The following DHX32 variants were observed in gnomAD, a reference collection of about 807,000 sequenced individuals.
DHX32 encodes putative pre-mRNA-splicing factor ATP-dependent RNA helicase DHX32.
Under a neutral mutation model 70.0 loss-of-function variants are expected in DHX32, and 51 were observed. That is an observed-to-expected ratio of 0.73 (90% CI 0.58 to 0.92). The LOEUF (loss-of-function observed/expected upper bound fraction) is 0.92. DHX32 is among the 40% of genes least tolerant of loss of function. The probability of loss-of-function intolerance (pLI) is 0.00; values close to 1 mark genes in which losing one functional copy is unlikely to be tolerated. For missense variants in DHX32, 762 were observed against 891.8 expected, an observed-to-expected ratio of 0.85 and a Z score of 1.85; for synonymous variants, 310 against 315.3, an observed-to-expected ratio of 0.98 and a Z score of 0.18.
In DHX32 at chr10:125,874,563, T is replaced by C. The variant is rs137904598; in HGVS notation, c.282+5980A>G. Reference sequence around the variant, plus strand: ...AAAATTTTTTAAACTGCAGTGTGGATTAGCAATTCTGAAACTACAATATGA... The same window carrying C: ...AAAATTTTTTAAACTGCAGTGTGGACTAGCAATTCTGAAACTACAATATGA... On this transcript the variant is annotated intron_variant, in intron 1 of 10. Coordinates refer to ENST00000284690, the MANE Select transcript of DHX32 (RefSeq NM_018180.3). 1.6e-4 allele frequency among the ~76,000 whole-genome samples: 24 copies of C among 152,354 alleles called. 1 individual carries two copies. Among genetic ancestry groups the C allele is most frequent in the African/African-American group, 5.5e-4 (23 of 41,584 alleles).
intron 6 of DHX32, among the ~76,000 whole-genome samples, chr10:125,844,245 G>C (rs1854953983): frequency 6.6e-6 from 1 of 152,240 alleles, no homozygotes; most frequent in Non-Finnish European, 1.5e-5. Context: ...CTTAAACAGA[G>C]CAGGAAGGGG....
At position 125,839,026 on chromosome 10, in the gene DHX32, GCTTT is replaced by G. The variant is rs1387470193; in HGVS notation, c.1852_1855del (p.Lys618LeufsTer21). 1.9e-6 allele frequency: 3 copies of G among 1,613,992 alleles called. No homozygotes were observed. Among genetic ancestry groups the G allele is most frequent in the Non-Finnish European group, 2.5e-6 (3 of 1,179,978 alleles). ...CTGCATAAAGTAACCGGACAGAAGA[GCTTT>G]CTTTATGTTTAGAGTGTTTTCCTTG... On this transcript the variant is annotated frameshift_variant, in exon 9 of 11. Coordinates refer to ENST00000284690, the MANE Select transcript of DHX32 (RefSeq NM_018180.3). LOFTEE classifies it high-confidence loss of function.
chr10:125,838,412 A>G lies in DHX32; in HGVS notation c.1882-25T>C, dbSNP rs772115910. On this transcript the variant is annotated intron_variant, in intron 9 of 10. Coordinates refer to ENST00000284690, the MANE Select transcript of DHX32 (RefSeq NM_018180.3). ...TCTGAAAGGCAGAATTTTAAAGAAA[A>G]AAGATTTTGTATTAATATGGAGATC... 7 of 1,543,040 alleles carry G rather than the reference A, an allele frequency of 4.5e-6. No individual in the cohort carries two copies. The South Asian group carries it at 8.8e-5, about 19-fold the overall frequency.
chr10:125,861,895 CT>C (rs1173717321), intron 2 of DHX32, among the ~76,000 whole-genome samples: 2 of 150,756 alleles, frequency 1.3e-5, no homozygotes, highest in African/African-American at 4.9e-5. Flanking sequence ...TCTTGGGGAT[CT>C]TGACACAGTC....
At chr10:125,858,628 G>T (rs1314299408) in intron 3 of DHX32, among the ~76,000 whole-genome samples, 1 of 152,194 alleles carries the variant, frequency 6.6e-6, no homozygotes, top group African/African-American at 2.4e-5. Flanking sequence ...GGCTCTGACA[G>T]ACAGCTGAGC....
In DHX32 at chr10:125,839,985, C is replaced by T. The variant is rs142867005; in HGVS notation, c.1694-797G>A. Reference sequence around the variant, plus strand: ...GGCTCCACTGACAACTTTTTCTTCTCAGCTTTGAAACACTAACTCCCTGTT... The same window carrying T: ...GGCTCCACTGACAACTTTTTCTTCTTAGCTTTGAAACACTAACTCCCTGTT... On this transcript the variant is annotated intron_variant, in intron 8 of 10. Coordinates refer to ENST00000284690, the MANE Select transcript of DHX32 (RefSeq NM_018180.3). Among the ~76,000 whole-genome samples the T allele has an allele frequency of 6.7e-3, 1,018 of 152,362 alleles. 18 individuals carry two copies. Among genetic ancestry groups the T allele is most frequent in the African/African-American group, 0.023 (956 of 41,596 alleles).
At position 125,840,203 on chromosome 10, in the gene DHX32, G is replaced by T. The variant is rs553583735; in HGVS notation, c.1693+644C>A. Among the ~76,000 whole-genome samples, 5 of 152,298 alleles carry T rather than the reference G, an allele frequency of 3.3e-5. No homozygotes were observed. The South Asian group carries it at 1.0e-3, about 32-fold the overall frequency. Reference sequence around the variant, plus strand: ...TTTGCCCTGTTTGCCCCCTCCTCTTGTTTCTGTCTGCATAGCAGCTTCCAG... The same window carrying T: ...TTTGCCCTGTTTGCCCCCTCCTCTTTTTTCTGTCTGCATAGCAGCTTCCAG... On this transcript the variant is annotated intron_variant, in intron 8 of 10. Transcript: ENST00000284690.
At chr10:125,841,961 A>ACAGCCTGGGCAAC (rs1162168175) in intron 6 of DHX32, 27 bp from the exon 7 acceptor site, 1 of 1,560,298 alleles carries the variant, frequency 6.4e-7, no homozygotes, top group Non-Finnish European at 8.6e-7. Context: ...ATAATAATTT[A>ACAGCCTGGGCAAC]AGAGTCTCAT....
At chr10:125,876,086 C>G (rs1367017400) in intron 1 of DHX32, among the ~76,000 whole-genome samples, 4 of 152,200 alleles carry the variant, frequency 2.6e-5, no homozygotes, top group African/African-American at 9.7e-5. Flanking sequence ...GGCCCTATAA[C>G]TGGATAGACC....
intron 1 of DHX32, among the ~76,000 whole-genome samples, chr10:125,887,997 A>G (rs1262497872): frequency 6.6e-6 from 1 of 152,152 alleles, no homozygotes; most frequent in Admixed American, 6.5e-5. Flanking sequence ...AACATTTTGC[A>G]TTATTTTCCT....
At chr10:125,863,225 G>A (rs1357600302) in intron 2 of DHX32, among the ~76,000 whole-genome samples, 1 of 151,930 alleles carries the variant, frequency 6.6e-6, no homozygotes, top group African/African-American at 2.4e-5. Flanking sequence ...AGTTCCTAAA[G>A]ACTATTTTAG....
rs1010441762 is a variant in DHX32 at position 125,851,716 on chromosome 10, A to AG, written c.1351+576dup. ...TCTGAGAAACTGCAGACATAGGACT[A>AG]GCTCTGAAAAGCTGTCACTTTGTAA... On this transcript the variant is annotated intron_variant, in intron 6 of 10. Coordinates refer to ENST00000284690, the MANE Select transcript of DHX32 (RefSeq NM_018180.3). Among the ~76,000 whole-genome samples, 31 of 152,182 alleles carry AG rather than the reference A, an allele frequency of 2.0e-4. 1 individual carries two copies.
intron 3 of DHX32, among the ~76,000 whole-genome samples, chr10:125,856,938 T>C (rs1050542479): frequency 6.6e-6 from 1 of 152,196 alleles, no homozygotes; most frequent in African/African-American, 2.4e-5. Flanking sequence ...CTAGGCAACA[T>C]AGTGAGGTCC....
intron 1 of DHX32, among the ~76,000 whole-genome samples, chr10:125,877,916 T>C (rs1015104498): frequency 6.6e-6 from 1 of 152,216 alleles, no homozygotes; most frequent in Non-Finnish European, 1.5e-5. Flanking sequence ...CTACTAGATC[T>C]ATTCGTAACT....
At chr10:125,838,966 A>G in intron 9 of DHX32, 35 bp downstream of exon 9, 1 of 1,590,112 alleles carries the variant, frequency 6.3e-7, no homozygotes, top group Non-Finnish European at 8.6e-7. Context: ...GCAATTCAGC[A>G]GAGCCTATGC....
At position 125,865,695 on chromosome 10, in the gene DHX32, A is replaced by C. The variant is rs140963186; in HGVS notation, c.476+1295T>G. ...TAGGCATGCACCATCACGCTCACTA[A>C]TTTTTGTATTTTTTGTAGAGATGAG... On this transcript the variant is annotated intron_variant, in intron 2 of 10. Transcript: ENST00000284690. Among the ~76,000 whole-genome samples, 516 of 152,048 alleles carry C rather than the reference A, an allele frequency of 3.4e-3. 1 individual carries two copies. Among genetic ancestry groups the C allele is most frequent in the African/African-American group, 0.012 (496 of 41,478 alleles).
At chr10:125,837,157 A>G (rs1189688786) in intron 10 of DHX32, among the ~76,000 whole-genome samples, 1 of 152,182 alleles carries the variant, frequency 6.6e-6, no homozygotes, top group Non-Finnish European at 1.5e-5. Context: ...ATCACCATAT[A>G]AGAGGCACCA....
chr10:125,892,109 A>C (rs149994680), intron 1 of DHX32, among the ~76,000 whole-genome samples: 430 of 152,064 alleles, frequency 2.8e-3, no homozygotes, highest in Non-Finnish European at 5.3e-3. Context: ...ACTCCTCAAA[A>C]AATTTTTTTC....
intron 6 of DHX32, chr10:125,842,637 AG>A (rs1326602559): frequency 6.0e-6 from 1 of 166,162 alleles, no homozygotes; most frequent in African/African-American, 2.4e-5. Context: ...GTGCCCAAGA[AG>A]GTAAAATGTA....
Sources: gnomAD v4.1 joint callset for allele counts (sites outside exome capture counted in the v4.1 genomes callset) on GRCh38, gnomAD v4.1.1 for gene constraint, MANE v1.5 for transcripts, NCBI Gene and HGNC (gene_info 2026-07-23, HGNC 2026-07-21) for gene names.